CAMKMT: variants seen among roughly 807,000 people sequenced by gnomAD.
CAMKMT encodes the protein CaM KMT.
A neutral mutation model predicts 48.0 loss-of-function variants in CAMKMT; 53 were observed. The ratio of observed to expected loss-of-function variants is 1.10; its 90% CI spans 0.89 to 1.39. CAMKMT has a LOEUF of 1.39. CAMKMT is among the 40% of genes most tolerant of loss of function. The pLI is 0.00. For synonymous variants in CAMKMT, 165 were observed against 152.3 expected, an observed-to-expected ratio of 1.08 and a Z score of -0.61; for missense variants, 428 against 402.7, an observed-to-expected ratio of 1.06 and a Z score of -0.54.
At chr2:44,403,530 G>T (rs1053669158) in intron 3 of CAMKMT, among the ~76,000 whole-genome samples, 1 of 152,072 alleles carries the variant, frequency 6.6e-6, no homozygotes. Context: ...ATGTAACTCC[G>T]GTTGCTTCTT....
intron 3 of CAMKMT, among the ~76,000 whole-genome samples, chr2:44,537,186 C>G (rs972236806): frequency 6.6e-6 from 1 of 152,088 alleles, no homozygotes; most frequent in African/African-American, 2.4e-5. Context: ...ACTAAAAAGC[C>G]TCTGCACAGC....
At chr2:44,621,841 A>G (rs1672212626) in intron 3 of CAMKMT, among the ~76,000 whole-genome samples, 1 of 152,220 alleles carries the variant, frequency 6.6e-6, no homozygotes, top group Admixed American at 6.5e-5. Context: ...GATTTTTAGG[A>G]CAAGAGTAAA....
Position 44,434,042 on chromosome 2 carries a change from A to T in CAMKMT, c.376+43737A>T, listed in dbSNP as rs368345288. Reference sequence around the variant, plus strand: ...ATCATCAACATTCCAGGTACAAAAGATGTTTAACCAGTTCAACTGAATAGT... The same window carrying T: ...ATCATCAACATTCCAGGTACAAAAGTTGTTTAACCAGTTCAACTGAATAGT... On this transcript the variant is annotated intron_variant, in intron 3 of 10. Transcript: ENST00000378494. 7.9e-5 allele frequency among the ~76,000 whole-genome samples: 12 copies of T among 152,324 alleles called. No individual in the cohort carries two copies. The East Asian group carries it at 2.3e-3, about 29-fold the overall frequency.
At chr2:44,508,162 G>T (rs1481384888) in intron 3 of CAMKMT, among the ~76,000 whole-genome samples, 1 of 152,170 alleles carries the variant, frequency 6.6e-6, no homozygotes, top group African/African-American at 2.4e-5. Context: ...GTTTTGAGTA[G>T]CACTGGTATA....
At chr2:44,750,525 A>T (rs1680110850) in intron 8 of CAMKMT, among the ~76,000 whole-genome samples, 2 of 152,138 alleles carry the variant, frequency 1.3e-5, no homozygotes, top group Admixed American at 1.3e-4. Flanking sequence ...CCTTTTATTT[A>T]TTTATTGCTT....
At chr2:44,658,069 C>A (rs1396628413) in intron 3 of CAMKMT, among the ~76,000 whole-genome samples, 3 of 152,078 alleles carry the variant, frequency 2.0e-5, no homozygotes, top group Non-Finnish European at 4.4e-5. Context: ...CTTTTCTATT[C>A]CAGAAAATCA....
intron 7 of CAMKMT, among the ~76,000 whole-genome samples, chr2:44,733,077 A>T (rs1323198406): frequency 6.6e-6 from 1 of 152,092 alleles, no homozygotes; most frequent in Non-Finnish European, 1.5e-5. Flanking sequence ...TAGGTTTATG[A>T]TTCATTTTGC....
intron 8 of CAMKMT, among the ~76,000 whole-genome samples, chr2:44,746,480 A>C (rs560699289): frequency 6.6e-6 from 1 of 152,368 alleles, no homozygotes; most frequent in Admixed American, 6.5e-5. Flanking sequence ...ACAGTCTGTT[A>C]GTTCACAACT....
In CAMKMT at chr2:44,449,575, T is replaced by C. The variant is rs192338943; in HGVS notation, c.376+59270T>C. Among the ~76,000 whole-genome samples the C allele has an allele frequency of 1.1e-3, 160 of 152,308 alleles. 1 individual carries two copies. Among genetic ancestry groups the C allele is most frequent in the Non-Finnish European group, 1.9e-3 (127 of 68,006 alleles). On this transcript the variant is annotated intron_variant, in intron 3 of 10. Transcript: ENST00000378494. ...TTTATCATGTCATATCATATTATCT[T>C]GAAATTATTTTTCACATATGCTTCT...
intron 3 of CAMKMT, among the ~76,000 whole-genome samples, chr2:44,402,323 TGTCTA>T: frequency 2.4e-5 from 1 of 42,138 alleles, no homozygotes; most frequent in Non-Finnish European, 8.8e-5. Context: ...AGCAAGACTC[TGTCTA>T]AAAAAAAAAA....
intron 3 of CAMKMT, among the ~76,000 whole-genome samples, chr2:44,499,816 T>G (rs2104737601): frequency 6.6e-6 from 1 of 152,322 alleles, no homozygotes; most frequent in Non-Finnish European, 1.5e-5. Flanking sequence ...TAGCACTGAG[T>G]AAAATCTGTT....
At chr2:44,704,681 CAAAAA>C (rs1325192887) in intron 4 of CAMKMT, among the ~76,000 whole-genome samples, 1 of 81,328 alleles carries the variant, frequency 1.2e-5, no homozygotes, top group Non-Finnish European at 2.6e-5. Context: ...TTGTGAAGGT[CAAAAA>C]AAAAAAAAAA....
intron 3 of CAMKMT, among the ~76,000 whole-genome samples, chr2:44,621,266 C>CAAAAAAAAAAAAAAAA (rs10667154): frequency 1.1e-4 from 9 of 84,514 alleles, no homozygotes; most frequent in African/African-American, 4.8e-4. Context: ...GACTCCATCT[C>CAAAAAAAAAAAAAAAA]AAAAAAAAAA....
At chr2:44,491,394 A>G (rs1162008147) in intron 3 of CAMKMT, among the ~76,000 whole-genome samples, 2 of 152,138 alleles carry the variant, frequency 1.3e-5, no homozygotes, top group African/African-American at 4.8e-5. Flanking sequence ...GCCAGTGGTA[A>G]AATACCTCTC....
intron 2 of CAMKMT, among the ~76,000 whole-genome samples, chr2:44,387,250 C>T (rs536498389): frequency 1.3e-5 from 2 of 152,268 alleles, no homozygotes; most frequent in Admixed American, 6.5e-5. Flanking sequence ...TGGACAAGGC[C>T]TTTTACCATT....
intron 7 of CAMKMT, among the ~76,000 whole-genome samples, chr2:44,725,662 G>A (rs1678739134): frequency 6.6e-6 from 1 of 152,088 alleles, no homozygotes; most frequent in Admixed American, 6.6e-5. Context: ...AGGCAGGGAG[G>A]AAATAAGAGG....
At chr2:44,708,211 A>ATTTT (rs59281575) in intron 6 of CAMKMT, among the ~76,000 whole-genome samples, 7,821 of 67,788 alleles carry the variant, frequency 0.12, 1,112 homozygotes, top group Non-Finnish European at 0.14. Flanking sequence ...TTTGCTTTGG[A>ATTTT]TTTTTTTTTT....
chr2:44,740,505 G>C (rs1018243573), intron 7 of CAMKMT, among the ~76,000 whole-genome samples: 5 of 152,152 alleles, frequency 3.3e-5, no homozygotes, highest in Non-Finnish European at 5.9e-5. Context: ...AATAGTGTCA[G>C]AATTTTGAAG....
chr2:44,436,136 C>T (rs377424229), intron 3 of CAMKMT, among the ~76,000 whole-genome samples: 28 of 152,090 alleles, frequency 1.8e-4, no homozygotes, highest in East Asian at 5.8e-4. Context: ...AGTGCAGTGG[C>T]GCAATCTCAG....
Sources: gnomAD v4.1 joint callset for allele counts (sites outside exome capture counted in the v4.1 genomes callset) on GRCh38, gnomAD v4.1.1 for gene constraint, MANE v1.5 for transcripts, NCBI Gene and HGNC (gene_info 2026-07-23, HGNC 2026-07-21) for gene names.